PARP14: variants seen among roughly 807,000 people sequenced by gnomAD.
PARP14 encodes poly(ADP-ribose) polymerase family member 14.
In PARP14, 59 loss-of-function variants were observed where a neutral mutation model predicts 154.2. That is an observed-to-expected ratio of 0.38 (90% CI 0.31 to 0.48). The LOEUF (loss-of-function observed/expected upper bound fraction) is 0.48, where lower values mean the gene tolerates loss of function less well. Among genes scored for constraint, PARP14 ranks in the 20% least tolerant of loss-of-function variants. The pLI, the probability that PARP14 is intolerant of heterozygous loss-of-function variation, is 0.98. For synonymous variants in PARP14, 720 were observed against 780.5 expected (o/e 0.92, Z 1.29); for missense variants, 1,734 against 2,131.6 (o/e 0.81, Z 3.67).
chr3:122,719,006 G>A lies in PARP14; in HGVS notation c.4807+48G>A, dbSNP rs1933080306. The A allele has an allele frequency of 2.7e-6, 4 of 1,471,424 alleles. No individual in the cohort carries two copies. In the East Asian group the frequency reaches 9.6e-5, roughly 35 times the overall value. The allele number at this position is 1,471,424 out of a possible 1,614,324, so 91.1% of individuals were successfully genotyped here. On this transcript the variant is annotated intron_variant, in intron 14 of 16. Coordinates refer to ENST00000474629, the MANE Select transcript of PARP14 (RefSeq NM_017554.3). ...TCATCCACTATTTCACATCTACTTT[G>A]GGCATAACACTATTTGGTACGTACA...
chr3:122,724,795 C>T (rs999465753), intron 15 of PARP14, among the ~76,000 whole-genome samples: 8 of 152,086 alleles, frequency 5.3e-5, no homozygotes, highest in East Asian at 3.9e-4. Flanking sequence ...GAGATCCCTG[C>T]GGCCTTCCGC....
At chr3:122,726,059 TTATC>T (rs1933279895) in intron 15 of PARP14, among the ~76,000 whole-genome samples, 1 of 152,210 alleles carries the variant, frequency 6.6e-6, no homozygotes, top group Non-Finnish European at 1.5e-5. Context: ...TAAGCCTTAT[TTATC>T]TCTCTTCTGC....
Position 122,692,470 on chromosome 3 carries a change from G to A in PARP14, c.525G>A (p.Leu175=), listed in dbSNP as rs781449101. 8 of 1,613,172 alleles carry A rather than the reference G, an allele frequency of 5.0e-6. No homozygotes were observed. The African/African-American group carries it at 5.3e-5, about 11-fold the overall frequency. ...LILLVENISG[L]SNDDFQVEII... Reference sequence around the variant, plus strand: ...TGTTAGTGGAGAACATAAGTGGCCTGTCTAATGATGACTTTCAAGTGGAAA... The same window carrying A: ...TGTTAGTGGAGAACATAAGTGGCCTATCTAATGATGACTTTCAAGTGGAAA... The change falls in exon 4 of 17, where the codon CTG becomes CTA. Residue 175 remains leucine (L), a synonymous_variant. Transcript: ENST00000474629.
intron 8 of PARP14, among the ~76,000 whole-genome samples, chr3:122,705,930 G>A (rs1386191814): frequency 6.6e-6 from 1 of 152,212 alleles, no homozygotes; most frequent in Admixed American, 6.5e-5. Flanking sequence ...CCTATGACTT[G>A]CATTGTGCAA....
chr3:122,713,545 A>C lies in PARP14; in HGVS notation c.3741A>C (p.Ser1247=), dbSNP rs750129956. Residue 1247 remains serine, a synonymous_variant, in exon 10 of 17, where the codon TCA becomes TCC. Transcript: ENST00000474629. ...AAGAGGCAGATGTGATTGTAAATTC[A>C]ACATCAAACTCATTCAATCTCAAAG... is the stretch of plus-strand genomic sequence containing the variant. ...TKEEADVIVN[S]TSNSFNLKAG... The C allele has an allele frequency of 5.6e-6, 9 of 1,613,776 alleles. No homozygotes were observed. In the South Asian group the frequency reaches 9.9e-5, roughly 18 times the overall value.
rs371304571 is a variant in PARP14, at chr3:122,681,435, C to T, written c.187+365C>T. Among the ~76,000 whole-genome samples the T allele has an allele frequency of 6.6e-6, 1 of 152,118 alleles. No individual in the cohort carries two copies. The highest frequency in any genetic ancestry group is 1.5e-5 in the Non-Finnish European group (1 of 68,002). ...CTCTTATCATCCTTTTCTGTCTTTTCCTGTTGTTATTATTCTTGTGTGGGG... is the reference window on the plus strand; with the variant it reads ...CTCTTATCATCCTTTTCTGTCTTTTTCTGTTGTTATTATTCTTGTGTGGGG... On this transcript the variant is annotated intron_variant, in intron 1 of 16. Transcript: ENST00000474629. The surrounding 1 kb of genome is among the most constrained non-coding windows in gnomAD (Gnocchi z 5.5).
chr3:122,728,318 T>A lies in PARP14; in HGVS notation c.5127T>A (p.Tyr1709Ter), dbSNP rs371386673. ...RSYAGKNAVA[Y>*]GKGTYFAVNA... Reference sequence around the variant, plus strand: ...TTTTTCTTTTCACAGCTGTGGCATATGGAAAGGGAACCTATTTTGCTGTCA... The same window carrying A: ...TTTTTCTTTTCACAGCTGTGGCATAAGGAAAGGGAACCTATTTTGCTGTCA... Residue 1709 changes from tyrosine to a stop codon, truncating the protein, a stop_gained, in exon 17 of 17, where the codon TAT (tyrosine) becomes TAA (stop). Coordinates refer to ENST00000474629, the MANE Select transcript of PARP14 (RefSeq NM_017554.3). LOFTEE classifies it low-confidence loss of function (END_TRUNC). 25 of 1,612,388 alleles carry A rather than the reference T, an allele frequency of 1.6e-5. No individual in the cohort carries two copies. The highest frequency in any genetic ancestry group is 2.1e-5 in the Non-Finnish European group (25 of 1,178,400).
chr3:122,717,157 T>C (rs1933021789), intron 12 of PARP14, among the ~76,000 whole-genome samples: 2 of 152,214 alleles, frequency 1.3e-5, no homozygotes, highest in South Asian at 4.1e-4. Context: ...ATTGTCAGCA[T>C]AGCCAAGTCA....
chr3:122,720,804 G>T (rs567506994), intron 15 of PARP14: 3 of 457,120 alleles, frequency 6.6e-6, no homozygotes, highest in South Asian at 4.6e-5. Flanking sequence ...GCCTTTTCTC[G>T]TTTATCATAA....
intron 9 of PARP14, among the ~76,000 whole-genome samples, chr3:122,712,054 CTT>C (rs1248640481): frequency 6.6e-6 from 1 of 151,968 alleles, no homozygotes; most frequent in East Asian, 1.9e-4. Context: ...TCATTTTTAT[CTT>C]TTTTTGTTTG....
chr3:122,684,359 T>G (rs990739652), intron 1 of PARP14, among the ~76,000 whole-genome samples: 13 of 152,250 alleles, frequency 8.5e-5, no homozygotes, highest in African/African-American at 3.1e-4. Flanking sequence ...TATGCTGATT[T>G]TCTTCATATC....
chr3:122,718,405 G>C lies in PARP14; in HGVS notation c.4254G>C (p.Leu1418Phe), dbSNP rs200844771. Residue 1418 changes from leucine (L) to phenylalanine (F), a missense_variant, in exon 14 of 17, where the codon TTG (leucine) becomes TTC (phenylalanine). Coordinates refer to ENST00000474629, the MANE Select transcript of PARP14 (RefSeq NM_017554.3). The stretch of plus-strand genomic sequence containing the variant: ...AATCTCCCCAAAAAAAGAATCATTT[G>C]GTTTTGGAAAAGAAAACAGAATCAG... ...SKQSPQKKNH[L>F]VLEKKTESAT... 1.2e-6 allele frequency: 2 copies of C among 1,612,834 alleles called. No homozygotes were observed. The highest frequency in any genetic ancestry group is 4.5e-5 in the East Asian group (2 of 44,874).
chr3:122,719,653 G>A (rs367747211), intron 14 of PARP14, among the ~76,000 whole-genome samples: 18 of 152,270 alleles, frequency 1.2e-4, no homozygotes, highest in African/African-American at 4.3e-4. Flanking sequence ...ACAGATTCCC[G>A]AGACTCTGAG....
intron 12 of PARP14, among the ~76,000 whole-genome samples, chr3:122,715,475 T>A (rs976147770): frequency 6.6e-6 from 1 of 152,244 alleles, no homozygotes; most frequent in African/African-American, 2.4e-5. Context: ...ATTCTATGTC[T>A]ATTTTACAAC....
chr3:122,685,754 C>T (rs1938355109), intron 2 of PARP14, among the ~76,000 whole-genome samples: 1 of 152,066 alleles, frequency 6.6e-6, no homozygotes, highest in Non-Finnish European at 1.5e-5. Flanking sequence ...ATGATCGGCC[C>T]ACCTAGGCCT....
Position 122,713,858 on chromosome 3 carries a change from A to T in PARP14, c.3770-14A>T. 1 of 1,585,688 alleles carries T rather than the reference A, an allele frequency of 6.3e-7. No homozygotes were observed. Among genetic ancestry groups the T allele is most frequent in the Non-Finnish European group, 8.7e-7 (1 of 1,154,314 alleles). ...TTTACTCATGTTTGTTATCATCTTG[A>T]TTTTCTCATGTAGGGGTCTCCAAAG... On this transcript the variant is annotated splice_polypyrimidine_tract_variant and intron_variant, in intron 10 of 16. Coordinates refer to ENST00000474629, the MANE Select transcript of PARP14 (RefSeq NM_017554.3).
At chr3:122,696,041 T>A (rs1560056238) in intron 5 of PARP14, among the ~76,000 whole-genome samples, 1 of 152,352 alleles carries the variant, frequency 6.6e-6, no homozygotes, top group East Asian at 1.9e-4. Flanking sequence ...CAGCAACTCA[T>A]AGAGTTCCTA....
intron 14 of PARP14, 31 bp downstream of exon 14, chr3:122,718,989 T>G (rs1375972652): frequency 6.7e-7 from 1 of 1,500,214 alleles, no homozygotes; most frequent in Non-Finnish European, 8.9e-7. Context: ...TGTCATCCAC[T>G]ATTTCACATC....
At chr3:122,692,215 G>GGGCAGTGCCTT in intron 3 of PARP14, 86 bp from the exon 4 acceptor site, 1 of 1,124,084 alleles carries the variant, frequency 8.9e-7, no homozygotes, top group Non-Finnish European at 1.3e-6. Context: ...CAAGGAGAGA[G>GGGCAGTGCCTT]GGCAGTGCCT....
Sources: allele counts gnomAD v4.1 joint callset (sites outside exome capture counted in the v4.1 genomes callset), GRCh38; gene constraint gnomAD v4.1.1; non-coding constraint Gnocchi (gnomAD v3.1); transcripts MANE v1.5; gene names NCBI Gene and HGNC (gene_info 2026-07-23, HGNC 2026-07-21).